The following IL6ST variants were observed in gnomAD, a reference collection of about 807,000 sequenced individuals.
IL6ST encodes the protein interleukin-6 receptor subunit beta.
In IL6ST, 24 loss-of-function variants were observed where a neutral mutation model predicts 91.3. That is an observed-to-expected ratio of 0.26 (90% confidence interval 0.19 to 0.37). The LOEUF (loss-of-function observed/expected upper bound fraction) is 0.37. IL6ST is among the 10% of genes least tolerant of loss of function. The pLI is 1.00. For missense variants in IL6ST, 914 were observed against 1,078.5 expected, an observed-to-expected ratio of 0.85 and a Z score of 2.14; for synonymous variants, 351 against 373.6, an observed-to-expected ratio of 0.94 and a Z score of 0.70.
At chr5:55,969,975 C>A (rs775702531) in intron 3 of IL6ST, 120 bp from the exon 4 acceptor site, 33 of 587,728 alleles carry the variant, frequency 5.6e-5, no homozygotes, top group Non-Finnish European at 9.6e-5. Context: ...CCTAAAGACA[C>A]AGAAAAAGAC....
intron 1 of IL6ST, among the ~76,000 whole-genome samples, chr5:55,994,572 C>A (rs1346376018): frequency 6.6e-6 from 1 of 151,872 alleles, no homozygotes; most frequent in Non-Finnish European, 1.5e-5. Flanking sequence ...GTACTCAGGG[C>A]TGCGATAATC....
intron 1 of IL6ST, among the ~76,000 whole-genome samples, chr5:55,993,104 A>G (rs1395884862): frequency 6.6e-6 from 1 of 152,250 alleles, no homozygotes; most frequent in Non-Finnish European, 1.5e-5. Context: ...TCTAGGAGCC[A>G]AGCTGCAAAT....
At chr5:55,948,787 T>A (rs2111651774) in intron 14 of IL6ST, 1 of 152,318 alleles carries the variant, frequency 6.6e-6, no homozygotes, top group African/African-American at 2.4e-5. Context: ...GGCTCAAGTA[T>A]TTTCTTCTTC....
chr5:55,953,125 T>G (rs1230963496), intron 11 of IL6ST, among the ~76,000 whole-genome samples: 1 of 152,186 alleles, frequency 6.6e-6, no homozygotes, highest in Non-Finnish European at 1.5e-5. Flanking sequence ...CCACTAAAAT[T>G]TTTCTTATTT....
chr5:55,980,094 T>G (rs1037208244), intron 2 of IL6ST, among the ~76,000 whole-genome samples: 1 of 152,210 alleles, frequency 6.6e-6, no homozygotes, highest in Admixed American at 6.5e-5. Flanking sequence ...TTTTTATATA[T>G]GCACAGTATC....
rs781106277 is a variant in IL6ST at position 55,952,333 on chromosome 5, T to C, written c.1469A>G (p.Lys490Arg). The change falls in exon 12 of 17, where the codon AAA (lysine) becomes AGA (arginine). Residue 490 changes from lysine (K) to arginine (R), a missense_variant. Physicochemically the swap from Lys to Arg is conservative, Grantham distance 26. Transcript: ENST00000381298. The stretch of plus-strand genomic sequence containing the variant: ...TGGAGTAACTGTTATCAAATAGCAT[T>C]TGCTCTCTGCTAAGTTCCCTAAAGC... ...TYLRGNLAES[K>R]CYLITVTPVY... 2.5e-6 allele frequency: 4 copies of C among 1,597,060 alleles called. No individual in the cohort carries two copies. Among genetic ancestry groups the C allele is most frequent in the Admixed American group, 3.3e-5 (2 of 59,792 alleles).
intron 1 of IL6ST, among the ~76,000 whole-genome samples, chr5:55,992,975 G>A (rs776897848): frequency 1.3e-5 from 2 of 152,154 alleles, no homozygotes; most frequent in Non-Finnish European, 2.9e-5. Context: ...TCGTACAGCA[G>A]GTAGTAATTG....
chr5:55,942,548 G>T, intron 16 of IL6ST, 122 bp downstream of exon 16: 3 of 525,354 alleles, frequency 5.7e-6, no homozygotes, highest in Non-Finnish European at 1.0e-5. Context: ...TTTTGATTCA[G>T]CTTGAATATC....
intron 16 of IL6ST, among the ~76,000 whole-genome samples, chr5:55,942,233 G>A (rs1393363462): frequency 6.6e-6 from 1 of 152,100 alleles, no homozygotes; most frequent in African/African-American, 2.4e-5. Flanking sequence ...CCCCTTTGGG[G>A]CATATTTAAA....
At position 55,967,309 on chromosome 5, in the gene IL6ST, C is replaced by CAAAAAAAA. The variant is rs60547666; in HGVS notation, c.491+959_491+966dup. Among the ~76,000 whole-genome samples the CAAAAAAAA allele has an allele frequency of 3.9e-3, 126 of 31,904 alleles. 5 individuals carry two copies. Among genetic ancestry groups the CAAAAAAAA allele is most frequent in the Admixed American group, 6.1e-3 (10 of 1,652 alleles). 20.9% of individuals were successfully genotyped at this position (31,904 alleles called of 152,430 possible). A position where few individuals can be genotyped will look rare whatever the true frequency, so the allele number is the denominator to read the frequency against. Reference sequence around the variant, plus strand: ...TAGGTGACAGAGCAAGACTCCATCTCAAAAAAAAAAAAAAAAAAAAAAAAA... The same window carrying CAAAAAAAA: ...TAGGTGACAGAGCAAGACTCCATCTCAAAAAAAAAAAAAAAAAAAAAAAAAAAAAAAAA... On this transcript the variant is annotated intron_variant, in intron 5 of 16. Transcript: ENST00000381298.
In IL6ST at chr5:55,952,067, T is replaced by C; in HGVS notation, c.1561A>G (p.Lys521Glu). The C allele has an allele frequency of 6.2e-7, 1 of 1,612,626 alleles. No homozygotes were observed. Among genetic ancestry groups the C allele is most frequent in the Non-Finnish European group, 8.5e-7 (1 of 1,179,612 alleles). Residue 521 changes from lysine (K) to glutamate (E), a missense_variant, in exon 13 of 17, where the codon AAA (lysine) becomes GAA (glutamate). Lys to Glu is a moderately conservative substitution (Grantham distance 56). Transcript: ENST00000381298. The part of the protein sequence containing the change: ...KAYLKQAPPS[K>E]GPTVRTKKVG... ...TTTTTTGTCCGAACAGTAGGTCCTT[T>C]GGAAGGTGCTGTAACAGAGTGAACA...
At chr5:55,953,633 G>A (rs781226095) in intron 11 of IL6ST, among the ~76,000 whole-genome samples, 7 of 152,310 alleles carry the variant, frequency 4.6e-5, no homozygotes, top group South Asian at 4.1e-4. Context: ...TGATTTGCCC[G>A]CCTCAGCCTC....
rs2111745864 is a variant in IL6ST, at chr5:55,960,497, G to A, written c.878C>T (p.Thr293Ile). The change falls in exon 8 of 17, where the codon ACA becomes ATA. Residue 293 changes from threonine to isoleucine, a missense_variant. Coordinates refer to ENST00000381298, the MANE Select transcript of IL6ST (RefSeq NM_002184.4). ...SFTVQDLKPF[T>I]EYVFRIRCMK... The stretch of plus-strand genomic sequence containing the variant: ...ACAGCGAATCCTAAACACATATTCT[G>A]TAAAAGGTTTAAGGTCTTGGACAGT... 1 of 1,613,900 alleles carries A rather than the reference G, an allele frequency of 6.2e-7. No individual in the cohort carries two copies. The highest frequency in any genetic ancestry group is 8.5e-7 in the Non-Finnish European group (1 of 1,179,796).
intron 2 of IL6ST, among the ~76,000 whole-genome samples, chr5:55,979,743 A>T (rs545100253): frequency 6.6e-6 from 1 of 152,226 alleles, no homozygotes; most frequent in Non-Finnish European, 1.5e-5. Context: ...CGGCAATATC[A>T]ATCAAAATTA....
chr5:55,984,743 T>A (rs933589941), intron 1 of IL6ST, among the ~76,000 whole-genome samples: 1 of 152,168 alleles, frequency 6.6e-6, no homozygotes, highest in African/African-American at 2.4e-5. Flanking sequence ...ATTTTAGGAT[T>A]TGGGATGCTT....
At chr5:55,953,248 T>C (rs1367741195) in intron 11 of IL6ST, among the ~76,000 whole-genome samples, 5 of 152,186 alleles carry the variant, frequency 3.3e-5, no homozygotes, top group African/African-American at 9.7e-5. Flanking sequence ...CTTTACCTTC[T>C]TAAACAGATT....
chr5:55,960,046 C>T (rs372972933), intron 8 of IL6ST, among the ~76,000 whole-genome samples: 7 of 152,064 alleles, frequency 4.6e-5, no homozygotes, highest in East Asian at 3.9e-4. Flanking sequence ...CCACCACGCC[C>T]GGCTAATTTT....
intron 15 of IL6ST, among the ~76,000 whole-genome samples, chr5:55,944,118 A>G (rs1461642574): frequency 3.9e-5 from 6 of 152,134 alleles, no homozygotes; most frequent in Admixed American, 3.9e-4. Flanking sequence ...TTCAACCTAC[A>G]GCTAACATCA....
intron 8 of IL6ST, among the ~76,000 whole-genome samples, chr5:55,959,240 C>A (rs759400092): frequency 2.6e-5 from 4 of 152,184 alleles, no homozygotes; most frequent in Non-Finnish European, 1.5e-5. Flanking sequence ...ACAAAGCAAT[C>A]TGGCTGAGGA....
Sources: allele counts gnomAD v4.1 joint callset (sites outside exome capture counted in the v4.1 genomes callset), GRCh38; gene constraint gnomAD v4.1.1; transcripts MANE v1.5; gene names NCBI Gene and HGNC (gene_info 2026-07-23, HGNC 2026-07-21).